The following C1QTNF6 variants were observed in gnomAD, a reference collection of about 807,000 sequenced individuals.
C1QTNF6 encodes the protein complement C1q tumor necrosis factor-related protein 6.
C1QTNF6 carries 17 observed loss-of-function variants against 20.7 expected under a neutral mutation model. The ratio of observed to expected loss-of-function variants is 0.82; its 90% confidence interval spans 0.56 to 1.23. The LOEUF (loss-of-function observed/expected upper bound fraction) is 1.23, where lower values mean the gene tolerates loss of function less well. Among genes scored for constraint, C1QTNF6 ranks in the 50% most tolerant of loss-of-function variants. C1QTNF6 has a pLI of 0.00. For missense variants in C1QTNF6, 329 were observed against 389.7 expected (o/e 0.84, Z 1.31); for synonymous variants, 130 against 156.3 (o/e 0.83, Z 1.25).
At chr22:37,191,960 A>T (rs1360152984), upstream of C1QTNF6, among the ~76,000 whole-genome samples, 2 of 152,254 alleles carry the variant, frequency 1.3e-5, no homozygotes, top group Non-Finnish European at 2.9e-5. Context: ...CTTGTTAAAG[A>T]GTATACCAGT....
intron 1 of C1QTNF6, among the ~76,000 whole-genome samples, chr22:37,187,866 G>A (rs1008407500): frequency 6.6e-6 from 1 of 152,120 alleles, no homozygotes; most frequent in Admixed American, 6.5e-5. Context: ...TGGGGTCCTT[G>A]CTGCTTCCAC....
intron 2 of C1QTNF6, among the ~76,000 whole-genome samples, chr22:37,183,582 G>A (rs1403266411): frequency 6.6e-6 from 1 of 152,226 alleles, no homozygotes; most frequent in African/African-American, 2.4e-5. Context: ...CTGTCACAGT[G>A]CCTGGAGTCA....
At chr22:37,197,410 G>C (rs951394873) in intron 1 of C1QTNF6, 2 of 152,356 alleles carry the variant, frequency 1.3e-5, no homozygotes, top group Non-Finnish European at 2.9e-5. Context: ...ACCTTCTGAG[G>C]AAACAGGGAT....
intron 1 of C1QTNF6, among the ~76,000 whole-genome samples, chr22:37,186,308 A>G (rs2045429008): frequency 6.6e-6 from 1 of 152,182 alleles, no homozygotes; most frequent in African/African-American, 2.4e-5. Flanking sequence ...CAGCTTGGCA[A>G]GGGCTGGCGC....
intron 1 of C1QTNF6, chr22:37,197,014 A>G (rs1925175538): frequency 6.6e-6 from 1 of 152,146 alleles, no homozygotes; most frequent in African/African-American, 2.4e-5. Flanking sequence ...CCCAGGGAGG[A>G]TTTATCTTTG....
rs1923753974 is a variant in C1QTNF6 at position 37,181,399 on chromosome 22, TG to T, written c.*788del. 6.6e-6 allele frequency: 1 copy of T among 152,298 alleles called. No individual in the cohort carries two copies. Among genetic ancestry groups the T allele is most frequent in the Admixed American group, 6.5e-5 (1 of 15,276 alleles). The allele number at this position is 152,298 out of a possible 1,614,324, so 9.4% of individuals were successfully genotyped here. ...GAGGGATGAGAGAATTTAAGAATGT[TG>T]GAATTGGCCAGGCACGGTGGCTCAC... On this transcript the variant is annotated 3_prime_UTR_variant, in exon 3 of 3. Transcript: ENST00000337843.
intron 2 of C1QTNF6, chr22:37,183,092 AC>A: frequency 4.1e-6 from 1 of 244,522 alleles, no homozygotes; most frequent in Non-Finnish European, 6.5e-6. Flanking sequence ...CCACCCCAGG[AC>A]CACAGCGCAG....
upstream of C1QTNF6, among the ~76,000 whole-genome samples, chr22:37,189,094 G>A (rs899049315): frequency 2.6e-5 from 4 of 152,204 alleles, no homozygotes; most frequent in African/African-American, 9.7e-5. Flanking sequence ...GGAATTTCCT[G>A]AAACTGAGGC....
rs114065274 is a variant in C1QTNF6, at chr22:37,194,704, C to T, written n.224+677G>A. Among the ~76,000 whole-genome samples, 589 of 152,324 alleles carry T rather than the reference C, an allele frequency of 3.9e-3. 4 individuals carry two copies. The highest frequency in any genetic ancestry group is 0.014 in the African/African-American group (562 of 41,574). On this transcript the variant is annotated intron_variant and non_coding_transcript_variant, in intron 2 of 4. Coordinates refer to the C1QTNF6 transcript ENST00000467564. The stretch of plus-strand genomic sequence containing the variant: ...TTCCATTCCAGGAGACTAGCCACCC[C>T]ACTCAGTGCCCAACATCAACCTGGC...
At chr22:37,186,258 A>G (rs747118694) in intron 1 of C1QTNF6, among the ~76,000 whole-genome samples, 69 of 151,298 alleles carry the variant, frequency 4.6e-4, no homozygotes, top group African/African-American at 1.1e-3. Context: ...ATTAGAAATG[A>G]TAAGAGTCCC....
In C1QTNF6 at chr22:37,188,209, T is replaced by G; in HGVS notation, c.5A>C (p.Gln2Pro). The change falls in exon 1 of 3, where the codon CAG (glutamine) becomes CCG (proline). Residue 2 changes from glutamine to proline, a missense_variant. By Grantham distance (76) the Gln-to-Pro change is moderately conservative. Coordinates refer to ENST00000337843, the MANE Select transcript of C1QTNF6 (RefSeq NM_031910.4). MQWLRVRESPGE... is the reference protein window; with the variant it reads MPWLRVRESPGE... ...AGGCGACTCACGGACCCTGAGCCAC[T>G]GCATGGCCTCTGGCTCCTTGGCCCA... The G allele has an allele frequency of 6.2e-7, 1 of 1,607,104 alleles. No individual in the cohort carries two copies.
chr22:37,197,820 T>C (rs928291499), upstream of C1QTNF6: 2 of 152,392 alleles, frequency 1.3e-5, no homozygotes, highest in East Asian at 1.9e-4. Flanking sequence ...TTTCTGACGA[T>C]CTCCTCAGCT....
intron 1 of C1QTNF6, chr22:37,196,697 CAAT>C (rs1925155096): frequency 6.6e-6 from 1 of 152,274 alleles, no homozygotes. Flanking sequence ...GGGCGGGGAA[CAAT>C]GCCTGCAGGT....
upstream of C1QTNF6, chr22:37,188,389 C>T (rs2145774057): frequency 3.7e-6 from 2 of 535,436 alleles, no homozygotes; most frequent in Non-Finnish European, 6.3e-6. Flanking sequence ...CCCTTTCAGC[C>T]TCTGGGTTCT....
At chr22:37,183,837 G>A (rs1036540204) in intron 2 of C1QTNF6, among the ~76,000 whole-genome samples, 2 of 152,240 alleles carry the variant, frequency 1.3e-5, no homozygotes, top group Non-Finnish European at 2.9e-5. Flanking sequence ...GGAGTGGAGG[G>A]TGGACAGGAC....
At chr22:37,191,667 C>T (rs372118415), upstream of C1QTNF6, 5 of 152,310 alleles carry the variant, frequency 3.3e-5, no homozygotes, top group East Asian at 9.6e-4. Context: ...AAAACCTTTA[C>T]TCACCGATAA....
At chr22:37,186,967 G>A (rs1924403528) in intron 1 of C1QTNF6, among the ~76,000 whole-genome samples, 1 of 152,166 alleles carries the variant, frequency 6.6e-6, no homozygotes, top group Non-Finnish European at 1.5e-5. Flanking sequence ...TGCAATCCCA[G>A]CACTTTGGGA....
At position 37,188,231 on chromosome 22, in the gene C1QTNF6, C is replaced by T; in HGVS notation, c.-18G>A. 1 of 1,598,188 alleles carries T rather than the reference C, an allele frequency of 6.3e-7. No homozygotes were observed. ...CACTGCATGGCCTCTGGCTCCTTGG[C>T]CCATGTCTGCAATACTAACTTGTTG... On this transcript the variant is annotated 5_prime_UTR_variant, in exon 1 of 3. Coordinates refer to ENST00000337843, the MANE Select transcript of C1QTNF6 (RefSeq NM_031910.4).
At chr22:37,191,156 GACA>G (rs377332295), upstream of C1QTNF6, among the ~76,000 whole-genome samples, 3 of 152,114 alleles carry the variant, frequency 2.0e-5, no homozygotes, top group African/African-American at 7.2e-5. Context: ...ATAAAAGCAA[GACA>G]ACAATTGTCT....
Sources: gnomAD v4.1 joint callset for allele counts (sites outside exome capture counted in the v4.1 genomes callset) on GRCh38, gnomAD v4.1.1 for gene constraint, MANE v1.5 for transcripts, NCBI Gene and HGNC (gene_info 2026-07-23, HGNC 2026-07-21) for gene names.